Variants in MYO16 observed in about 807,000 individuals in gnomAD.
The protein encoded by MYO16 is unconventional myosin-XVI.
Under a neutral mutation model 205.3 loss-of-function variants are expected in MYO16, and 94 were observed. That is an observed-to-expected ratio of 0.46 (90% confidence interval 0.39 to 0.54). The LOEUF (loss-of-function observed/expected upper bound fraction) is 0.54, where lower values mean the gene tolerates loss of function less well. Ranked by LOEUF, MYO16 falls within the 20% of genes least tolerant of loss-of-function variation. MYO16 has a pLI of 0.00. For synonymous variants in MYO16, 988 were observed against 954.0 expected (o/e 1.04, Z -0.66); for missense variants, 2,315 against 2,387.5 (o/e 0.97, Z 0.63).
At chr13:108,870,059 A>G (rs907301279) in intron 12 of MYO16, among the ~76,000 whole-genome samples, 1 of 151,866 alleles carries the variant, frequency 6.6e-6, no homozygotes, top group Admixed American at 6.6e-5. Context: ...TATAAATTTT[A>G]CATAGATACC....
intron 1 of MYO16, among the ~76,000 whole-genome samples, chr13:108,657,642 G>T (rs938091438): frequency 2.6e-5 from 4 of 151,986 alleles, no homozygotes; most frequent in African/African-American, 9.7e-5. Context: ...TCTTTTGTTA[G>T]GTTTGAAAAT....
At chr13:108,772,810 ATGTG>A (rs1414933864) in intron 4 of MYO16, among the ~76,000 whole-genome samples, 1 of 152,174 alleles carries the variant, frequency 6.6e-6, no homozygotes, top group Non-Finnish European at 1.5e-5. Context: ...AAAATTGTGC[ATGTG>A]TGTCGGGGGA....
chr13:108,907,082 A>G (rs1204717042), intron 15 of MYO16, among the ~76,000 whole-genome samples: 1 of 152,172 alleles, frequency 6.6e-6, no homozygotes, highest in African/African-American at 2.4e-5. Context: ...TCGTGTACCC[A>G]TAACTAGATG....
chr13:108,789,734 G>A (rs953936343), intron 5 of MYO16, among the ~76,000 whole-genome samples: 2 of 152,086 alleles, frequency 1.3e-5, no homozygotes, highest in Non-Finnish European at 2.9e-5. Context: ...TGGGTTAGTG[G>A]CAGTTCTATG....
Position 108,598,910 on chromosome 13 carries a change from A to G in MYO16, c.-39+2671A>G, listed in dbSNP as rs1878659302. Among the ~76,000 whole-genome samples, 4 of 150,938 alleles carry G rather than the reference A, an allele frequency of 2.7e-5. No homozygotes were observed. In the South Asian group the frequency reaches 8.4e-4, roughly 32 times the overall value. ...TGTGCACAATGTGCCAGTTAGTTACATATGTATACATGTGCCATGCTGGTG... is the reference window on the plus strand; with the variant it reads ...TGTGCACAATGTGCCAGTTAGTTACGTATGTATACATGTGCCATGCTGGTG... On this transcript the variant is annotated intron_variant, in intron 1 of 24. Transcript: ENST00000251041.
chr13:108,646,709 T>C (rs1042361888), intron 1 of MYO16, among the ~76,000 whole-genome samples: 1 of 152,182 alleles, frequency 6.6e-6, no homozygotes, highest in Non-Finnish European at 1.5e-5. Flanking sequence ...GCTATGAAAG[T>C]ATTCTGTGAC....
chr13:108,878,742 C>G (rs558797112), intron 12 of MYO16, among the ~76,000 whole-genome samples: 77 of 152,352 alleles, frequency 5.1e-4, no homozygotes, highest in Non-Finnish European at 7.8e-4. Flanking sequence ...TACTATGGGG[C>G]CAAAGCCCAA....
chr13:109,134,595 G>A (rs1240949625), intron 31 of MYO16, among the ~76,000 whole-genome samples: 1 of 152,222 alleles, frequency 6.6e-6, no homozygotes, highest in East Asian at 1.9e-4. Flanking sequence ...CTCTCTGTCT[G>A]TGTGGTCTCT....
At chr13:108,758,535 A>G (rs1885495682) in intron 4 of MYO16, among the ~76,000 whole-genome samples, 1 of 152,168 alleles carries the variant, frequency 6.6e-6, no homozygotes, top group African/African-American at 2.4e-5. Flanking sequence ...AGTCATTCCC[A>G]TGTGCACAGG....
intron 1 of MYO16, among the ~76,000 whole-genome samples, chr13:108,651,714 T>C (rs1425058007): frequency 1.3e-5 from 2 of 152,214 alleles, no homozygotes; most frequent in African/African-American, 4.8e-5. Flanking sequence ...TTGTTGACTT[T>C]CTTGAGAAGA....
At chr13:108,745,107 A>T (rs547602254) in intron 4 of MYO16, among the ~76,000 whole-genome samples, 1 of 152,240 alleles carries the variant, frequency 6.6e-6, no homozygotes, top group Non-Finnish European at 1.5e-5. Context: ...ACTGATTGAA[A>T]ATCGGTGATG....
intron 12 of MYO16, among the ~76,000 whole-genome samples, chr13:108,870,818 A>C (rs886065966): frequency 9.9e-5 from 15 of 151,922 alleles, no homozygotes; most frequent in African/African-American, 3.4e-4. Flanking sequence ...TGTTGTATAG[A>C]TATATCCTTG....
At chr13:108,942,691 G>A (rs1038468551) in intron 16 of MYO16, among the ~76,000 whole-genome samples, 2 of 152,142 alleles carry the variant, frequency 1.3e-5, no homozygotes, top group Non-Finnish European at 2.9e-5. Flanking sequence ...GATAAGCACT[G>A]AGTCTCATTC....
chr13:108,517,434 T>C, the MYO16 span, among the ~76,000 whole-genome samples: 1 of 152,210 alleles, frequency 6.6e-6, no homozygotes. Flanking sequence ...TAGGGAGAGT[T>C]GTACGCCCTG....
chr13:108,753,387 A>AC (rs1885315984), intron 4 of MYO16, among the ~76,000 whole-genome samples: 1 of 130,834 alleles, frequency 7.6e-6, no homozygotes, highest in Non-Finnish European at 1.8e-5. Flanking sequence ...AAAAAAAAAA[A>AC]AAAAAAAACA....
intron 16 of MYO16, among the ~76,000 whole-genome samples, chr13:108,945,401 T>A (rs938336537): frequency 6.6e-6 from 1 of 152,228 alleles, no homozygotes; most frequent in African/African-American, 2.4e-5. Flanking sequence ...CTTTGTTATT[T>A]CATAACTAGC....
intron 27 of MYO16, among the ~76,000 whole-genome samples, chr13:109,065,311 C>T (rs1250426431): frequency 6.6e-6 from 1 of 152,066 alleles, no homozygotes; most frequent in Admixed American, 6.6e-5. Flanking sequence ...CCATGTATAG[C>T]CCCAATTTGA....
chr13:108,823,570 A>T, intron 9 of MYO16, among the ~76,000 whole-genome samples: 1 of 152,160 alleles, frequency 6.6e-6, no homozygotes, highest in Non-Finnish European at 1.5e-5. Flanking sequence ...CTGATAGTGA[A>T]GTTTCCAGTG....
intron 31 of MYO16, among the ~76,000 whole-genome samples, chr13:109,135,477 T>C (rs1443282196): frequency 2.0e-5 from 3 of 152,218 alleles, no homozygotes; most frequent in African/African-American, 7.2e-5. Flanking sequence ...TGCTTCTTCC[T>C]TATCAGGGTT....
Sources: allele counts gnomAD v4.1 joint callset (sites outside exome capture counted in the v4.1 genomes callset), GRCh38; gene constraint gnomAD v4.1.1; transcripts MANE v1.5; gene names NCBI Gene and HGNC (gene_info 2026-07-23, HGNC 2026-07-21).